The following CLIP1 variants were observed in gnomAD, a reference collection of about 807,000 sequenced individuals.
CLIP1 encodes CAP-Gly domain-containing linker protein 1.
Under a neutral mutation model 161.6 loss-of-function variants are expected in CLIP1, and 66 were observed. The observed-to-expected ratio is 0.41, with a 90% CI of 0.33 to 0.50. The LOEUF is 0.50. CLIP1 is among the 20% of genes least tolerant of loss of function. The pLI is 0.27. For synonymous variants in CLIP1, 598 were observed against 626.2 expected, an observed-to-expected ratio of 0.96 and a Z score of 0.67; for missense variants, 1,376 against 1,702.0, an observed-to-expected ratio of 0.81 and a Z score of 3.37.
intron 20 of CLIP1, among the ~76,000 whole-genome samples, chr12:122,300,264 C>T (rs1047390436): frequency 6.6e-6 from 1 of 151,860 alleles, no homozygotes; most frequent in African/African-American, 2.4e-5. Flanking sequence ...AGAAAGACAT[C>T]ATCGAAAATA....
chr12:122,345,417 T>C (rs1002498726), intron 10 of CLIP1, among the ~76,000 whole-genome samples: 1 of 152,068 alleles, frequency 6.6e-6, no homozygotes, highest in East Asian at 1.9e-4. Context: ...TGCCTTGGCC[T>C]CCCAAAGTGC....
At position 122,341,076 on chromosome 12, in the gene CLIP1, G is replaced by T. The variant is rs1256733010; in HGVS notation, c.2128C>A (p.Leu710Met). 1.9e-6 allele frequency: 3 copies of T among 1,613,894 alleles called. No individual in the cohort carries two copies. The highest frequency in any genetic ancestry group is 2.5e-6 in the Non-Finnish European group (3 of 1,179,988). ...MKVIKEKENS[L>M]EAIRSKLDKA... The stretch of plus-strand genomic sequence containing the variant: ...TCCAGTTTCGACCTGATGGCTTCCA[G>T]ACTGTTTTCCTTTTCTTTAATAACT... Residue 710 changes from leucine (L) to methionine (M), a missense_variant, in exon 11 of 26, where the codon CTG (leucine) becomes ATG (methionine). Around this residue, in one of 6 missense-constraint regions of CLIP1, gnomAD observed 948 missense variants for 1,134.8 expected, o/e 0.84. Transcript: ENST00000620786.
At chr12:122,281,122 T>C (rs1209586959) in intron 21 of CLIP1, among the ~76,000 whole-genome samples, 1 of 152,242 alleles carries the variant, frequency 6.6e-6, no homozygotes. Flanking sequence ...AAGTGTTGTA[T>C]TTATCTCATT....
intron 20 of CLIP1, 51 bp from the exon 21 acceptor site, chr12:122,288,592 C>T (rs749249334): frequency 4.0e-6 from 6 of 1,495,820 alleles, no homozygotes; most frequent in Non-Finnish European, 5.5e-6. Flanking sequence ...CACAGAAAGG[C>T]ATATTTCTCA....
Position 122,277,930 on chromosome 12 carries a change from A to G in CLIP1, c.3966+224T>C, listed in dbSNP as rs1592957264. On this transcript the variant is annotated intron_variant, in intron 24 of 25. Coordinates refer to ENST00000620786, the MANE Select transcript of CLIP1 (RefSeq NM_001247997.2). ...GGAAAGACACAAATAACAGTAATTA[A>G]CTGTTTGCAGGGTTGGGAACTGAGC... The G allele has an allele frequency of 5.8e-6, 3 of 520,004 alleles. No individual in the cohort carries two copies. The East Asian group carries it at 9.5e-5, about 16-fold the overall frequency. The allele number at this position is 520,004 out of a possible 1,614,324, so 32.2% of individuals were successfully genotyped here.
chr12:122,340,846 AC>A lies in CLIP1; in HGVS notation c.2357del (p.Gly786ValfsTer5), dbSNP rs763148287. On this transcript the variant is annotated frameshift_variant, in exon 11 of 26. Coordinates refer to ENST00000620786, the MANE Select transcript of CLIP1 (RefSeq NM_001247997.2). LOFTEE classifies it high-confidence loss of function. ...GTCTAAGTTTCTTCATTTCCGATTT[AC>A]CTTCGGAACTGGCTTTCCGAAGTGC... is the stretch of plus-strand genomic sequence containing the variant. Reference protein sequence around the residue: ...LDALRKASSEGKSEMKKLRQQ... With the variant: ...LDALRKASSEXKSEMKKLRQQ... 1 of 1,614,144 alleles carries A rather than the reference AC, an allele frequency of 6.2e-7. No homozygotes were observed. Among genetic ancestry groups the A allele is most frequent in the Non-Finnish European group, 8.5e-7 (1 of 1,179,990 alleles).
intron 17 of CLIP1, among the ~76,000 whole-genome samples, chr12:122,321,431 A>G (rs1250557580): frequency 1.3e-5 from 2 of 151,922 alleles, no homozygotes; most frequent in Admixed American, 6.6e-5. Flanking sequence ...TTTTTAGTAG[A>G]GACAGGGTTT....
chr12:122,290,868 T>C (rs1265536421), intron 20 of CLIP1, among the ~76,000 whole-genome samples: 1 of 146,930 alleles, frequency 6.8e-6, no homozygotes, highest in African/African-American at 2.5e-5. Context: ...CTTTTTTTTA[T>C]TTTTTTTTAT....
At position 122,309,789 on chromosome 12, in the gene CLIP1, G is replaced by A. The variant is rs375267504; in HGVS notation, c.3567C>T (p.Ser1189=). 8.1e-5 allele frequency: 131 copies of A among 1,612,956 alleles called. No individual in the cohort carries two copies. Among genetic ancestry groups the A allele is most frequent in the Non-Finnish European group, 1.0e-4 (122 of 1,180,034 alleles). Residue 1189 remains serine, a synonymous_variant, in exon 20 of 26, where the codon AGC becomes AGT. Transcript: ENST00000620786. ...TTTGATGACTTGTGACTTCGTCCCT[G>A]CTTCTCCCCAGCTCCTCAGCAAGTT... The part of the protein sequence containing the change: ...NVKLAEELGR[S]RDEVTSHQKL...
intron 3 of CLIP1, among the ~76,000 whole-genome samples, chr12:122,367,895 G>A (rs899343437): frequency 1.3e-5 from 2 of 152,086 alleles, no homozygotes; most frequent in African/African-American, 4.8e-5. Context: ...GCATGTGCCT[G>A]TGATCCCAGC....
intron 20 of CLIP1, among the ~76,000 whole-genome samples, chr12:122,299,330 T>C (rs935917606): frequency 1.3e-5 from 2 of 151,976 alleles, no homozygotes; most frequent in African/African-American, 4.8e-5. Flanking sequence ...TAGAGAAGTC[T>C]AGAGGAAGGT....
rs749091622 is a variant in CLIP1 at position 122,361,019 on chromosome 12, G to A, written c.945C>T (p.Ser315=). The A allele has an allele frequency of 5.0e-6, 8 of 1,614,206 alleles. No homozygotes were observed. Among genetic ancestry groups the A allele is most frequent in the East Asian group, 2.2e-5 (1 of 44,890 alleles). The change falls in exon 5 of 26, where the codon TCC becomes TCT. Residue 315 remains serine, a synonymous_variant. Transcript: ENST00000620786. ...AGGCCACTGAGCTCATGGAGCTGAGGGAAGAGGCAGAAGGGCTGCGCTTCA... is the reference window on the plus strand; with the variant it reads ...AGGCCACTGAGCTCATGGAGCTGAGAGAAGAGGCAGAAGGGCTGCGCTTCA... ...ASLKRSPSAS[S]LSSMSSVASS...
chr12:122,284,854 G>C (rs1173225775), intron 21 of CLIP1, among the ~76,000 whole-genome samples: 1 of 152,158 alleles, frequency 6.6e-6, no homozygotes, highest in East Asian at 1.9e-4. Context: ...CTGATGATCT[G>C]AGTCTTTAGC....
At chr12:122,288,415 A>G (rs1164013214) in intron 21 of CLIP1, 74 bp downstream of exon 21, 27 of 1,320,802 alleles carry the variant, frequency 2.0e-5, no homozygotes, top group East Asian at 4.7e-5. Flanking sequence ...GTTTTCTACT[A>G]TAAGTTACCA....
At chr12:122,346,160 T>A (rs534509776) in intron 10 of CLIP1, among the ~76,000 whole-genome samples, 73 of 152,290 alleles carry the variant, frequency 4.8e-4, no homozygotes, top group Middle Eastern at 3.4e-3. Context: ...GAGCACAGAC[T>A]CTGGGGCCAA....
intron 21 of CLIP1, among the ~76,000 whole-genome samples, chr12:122,283,598 C>T (rs1187897878): frequency 6.6e-6 from 1 of 151,584 alleles, no homozygotes; most frequent in Non-Finnish European, 1.5e-5. Flanking sequence ...AGCTGAGATT[C>T]CAGGCACCCG....
chr12:122,321,848 A>C (rs927452694), intron 17 of CLIP1, among the ~76,000 whole-genome samples: 6 of 152,290 alleles, frequency 3.9e-5, no homozygotes, highest in Non-Finnish European at 5.9e-5. Flanking sequence ...AAGCTTTTTC[A>C]TAAAGTTTCT....
intron 15 of CLIP1, among the ~76,000 whole-genome samples, chr12:122,331,455 C>T (rs12828876): frequency 0.48 from 73,059 of 151,700 alleles, 21,288 homozygotes; most frequent in Non-Finnish European, 0.63. Context: ...GCTGAGATTA[C>T]GGGTGCACAC....
In CLIP1 at chr12:122,355,189, C is replaced by A; in HGVS notation, c.1129G>T (p.Glu377Ter). 6.2e-7 allele frequency: 1 copy of A among 1,614,216 alleles called. No individual in the cohort carries two copies. The highest frequency in any genetic ancestry group is 2.2e-5 in the East Asian group (1 of 44,890). ...LLAERDLERAEVAKATSHVGE... is the reference protein window; with the variant it reads ...LLAERDLERA The stretch of plus-strand genomic sequence containing the variant: ...ACGTGGCTCGTGGCCTTGGCCACCT[C>A]CGCCCTCTCCAGATCCCGTTCCGCC... Residue 377 changes from glutamate to a stop codon, truncating the protein, a stop_gained, in exon 6 of 26, where the codon GAG (glutamate) becomes TAG (stop). Coordinates refer to ENST00000620786, the MANE Select transcript of CLIP1 (RefSeq NM_001247997.2). LOFTEE classifies it high-confidence loss of function. The surrounding 1 kb of genome is among the most constrained non-coding windows in gnomAD (Gnocchi z 4.1).
Sources: allele counts gnomAD v4.1 joint callset (sites outside exome capture counted in the v4.1 genomes callset), GRCh38; gene constraint gnomAD v4.1.1; regional missense constraint gnomAD v4.1.1; non-coding constraint Gnocchi (gnomAD v3.1); transcripts MANE v1.5; gene names NCBI Gene and HGNC (gene_info 2026-07-23, HGNC 2026-07-21).